Variants in PAPPA2 observed in about 807,000 individuals in gnomAD.
PAPPA2 encodes pappalysin 2.
Under a neutral mutation model 176.4 loss-of-function variants are expected in PAPPA2, and 86 were observed. That is an observed-to-expected ratio of 0.49 (90% CI 0.41 to 0.58). The LOEUF (loss-of-function observed/expected upper bound fraction) is 0.58, where lower values mean the gene tolerates loss of function less well. Among genes scored for constraint, PAPPA2 ranks in the 20% least tolerant of loss-of-function variants. The pLI, the probability that PAPPA2 is intolerant of heterozygous loss-of-function variation, is 0.00. For missense variants in PAPPA2, 2,073 were observed against 2,256.9 expected, an observed-to-expected ratio of 0.92 and a Z score of 1.65; for synonymous variants, 809 against 852.2, an observed-to-expected ratio of 0.95 and a Z score of 0.88.
intron 2 of PAPPA2, among the ~76,000 whole-genome samples, chr1:176,574,954 G>A (rs559749187): frequency 6.6e-6 from 1 of 152,304 alleles, no homozygotes; most frequent in African/African-American, 2.4e-5. Flanking sequence ...GCCTCGGTAT[G>A]TTCTAGGTTT....
chr1:176,563,776 T>C (rs1651800898), intron 2 of PAPPA2, among the ~76,000 whole-genome samples: 1 of 152,178 alleles, frequency 6.6e-6, no homozygotes, highest in Non-Finnish European at 1.5e-5. Context: ...GGCAGTTTCA[T>C]GGACCAAGGA....
intron 14 of PAPPA2, among the ~76,000 whole-genome samples, chr1:176,764,209 G>A (rs1663829759): frequency 6.6e-6 from 1 of 152,044 alleles, no homozygotes; most frequent in Admixed American, 6.5e-5. Flanking sequence ...GCCACATTGG[G>A]AATGAAATTT....
chr1:176,677,717 A>G (rs1659376921), intron 4 of PAPPA2, among the ~76,000 whole-genome samples: 1 of 152,132 alleles, frequency 6.6e-6, no homozygotes, highest in Non-Finnish European at 1.5e-5. Context: ...ACTCATTGTC[A>G]TCGATTCATT....
chr1:176,768,669 C>T (rs759704867), intron 15 of PAPPA2, among the ~76,000 whole-genome samples: 13 of 151,996 alleles, frequency 8.6e-5, no homozygotes, highest in South Asian at 2.1e-4. Context: ...TTTTAGTTCC[C>T]GGAGGATATT....
At chr1:176,796,148 A>T (rs1665415860) in intron 20 of PAPPA2, among the ~76,000 whole-genome samples, 1 of 152,164 alleles carries the variant, frequency 6.6e-6, no homozygotes, top group Non-Finnish European at 1.5e-5. Context: ...ATCATTGGAG[A>T]CTCAGACATG....
At chr1:176,748,812 C>G (rs112946575) in intron 14 of PAPPA2, among the ~76,000 whole-genome samples, 1 of 152,038 alleles carries the variant, frequency 6.6e-6, no homozygotes, top group Non-Finnish European at 1.5e-5. Flanking sequence ...TTGTAGCCTA[C>G]GAGCAGTAGG....
rs1279036128 is a variant in PAPPA2 at position 176,699,206 on chromosome 1, T to C, written c.2853T>C (p.Cys951=). Residue 951 remains cysteine (C), a synonymous_variant, in exon 8 of 23, where the codon TGT becomes TGC. Coordinates refer to ENST00000367662, the MANE Select transcript of PAPPA2 (RefSeq NM_020318.3). Reference sequence around the variant, plus strand: ...CGGTCCCCTGCCCCACAGAAGGCTGTAGCTTGGAGCTGCTCTTCCAACACC... The same window carrying C: ...CGGTCCCCTGCCCCACAGAAGGCTGCAGCTTGGAGCTGCTCTTCCAACACC... ...NMTVPCPTEG[C]SLELLFQHPV... 6.2e-7 allele frequency: 1 copy of C among 1,614,158 alleles called. No homozygotes were observed. Among genetic ancestry groups the C allele is most frequent in the Admixed American group, 1.7e-5 (1 of 60,018 alleles).
chr1:176,523,583 T>A (rs1426564145), intron 1 of PAPPA2, among the ~76,000 whole-genome samples: 1 of 152,236 alleles, frequency 6.6e-6, no homozygotes, highest in East Asian at 1.9e-4. Flanking sequence ...TTTTTCTAAG[T>A]GACTACCAGA....
chr1:176,729,378 T>TA (rs919350776), intron 12 of PAPPA2, among the ~76,000 whole-genome samples: 1 of 152,060 alleles, frequency 6.6e-6, no homozygotes, highest in Non-Finnish European at 1.5e-5. Flanking sequence ...ACACTGTTTT[T>TA]ATTACTATAG....
At chr1:176,706,959 A>T (rs1161479464) in intron 10 of PAPPA2, among the ~76,000 whole-genome samples, 1 of 152,206 alleles carries the variant, frequency 6.6e-6, no homozygotes, top group Non-Finnish European at 1.5e-5. Flanking sequence ...GGATCCTAAC[A>T]TATTTTAGCC....
At chr1:176,700,057 G>A (rs980888623) in intron 8 of PAPPA2, among the ~76,000 whole-genome samples, 5 of 152,188 alleles carry the variant, frequency 3.3e-5, no homozygotes, top group Non-Finnish European at 5.9e-5. Context: ...TTCATGATAT[G>A]AGTTTCATTC....
intron 1 of PAPPA2, among the ~76,000 whole-genome samples, chr1:176,544,010 G>C (rs4480321): frequency 0.11 from 16,670 of 152,244 alleles, 977 homozygotes; most frequent in Middle Eastern, 0.19. Flanking sequence ...CAGTGAGCAA[G>C]AAATAGACTC....
At chr1:176,749,437 G>A (rs1425503464) in intron 14 of PAPPA2, among the ~76,000 whole-genome samples, 7 of 152,156 alleles carry the variant, frequency 4.6e-5, no homozygotes, top group African/African-American at 7.2e-5. Context: ...ATGAACCTAC[G>A]TTGACACATC....
chr1:176,736,161 T>G (rs1447791488), intron 12 of PAPPA2, among the ~76,000 whole-genome samples: 1 of 152,042 alleles, frequency 6.6e-6, no homozygotes, highest in African/African-American at 2.4e-5. Flanking sequence ...GGACAGCTGT[T>G]CACAAGCATG....
chr1:176,801,418 G>A (rs1159811619), intron 21 of PAPPA2, among the ~76,000 whole-genome samples: 1 of 152,140 alleles, frequency 6.6e-6, no homozygotes, highest in East Asian at 1.9e-4. Context: ...GACTGGAGAG[G>A]GGGAAAGGGT....
At chr1:176,666,664 TG>T (rs1658674517) in intron 3 of PAPPA2, among the ~76,000 whole-genome samples, 2 of 148,068 alleles carry the variant, frequency 1.4e-5, no homozygotes, top group African/African-American at 5.0e-5. Flanking sequence ...ATAGAGTTCA[TG>T]ATGAATGGGC....
At chr1:176,554,014 A>G (rs1047504163) in intron 1 of PAPPA2, among the ~76,000 whole-genome samples, 1 of 152,084 alleles carries the variant, frequency 6.6e-6, no homozygotes, top group African/African-American at 2.4e-5. Flanking sequence ...AGTAAAGGGA[A>G]GGAAAAAGGG....
At position 176,556,871 on chromosome 1, in the gene PAPPA2, C is replaced by G. The variant is rs762152036; in HGVS notation, c.549C>G (p.Pro183=). Residue 183 remains proline (P), a synonymous_variant, in exon 2 of 23, where the codon CCC becomes CCG. Transcript: ENST00000367662. ...CCATTTTCACAACCCTGAACGAACC[C>G]AAACCAGAGACCCAAAGGAGGGGCT... ...TTAIFTTLNE[P]KPETQRRGWA... is the part of the protein sequence containing the mutation. 5 of 1,614,002 alleles carry G rather than the reference C, an allele frequency of 3.1e-6. No homozygotes were observed. The highest frequency in any genetic ancestry group is 8.5e-7 in the Non-Finnish European group (1 of 1,180,030).
At chr1:176,568,811 C>T (rs1652140299) in intron 2 of PAPPA2, among the ~76,000 whole-genome samples, 1 of 152,192 alleles carries the variant, frequency 6.6e-6, no homozygotes, top group Admixed American at 6.5e-5. Context: ...GTTTCGGTCA[C>T]AATAATTCTG....
Sources: gnomAD v4.1 joint callset for allele counts (sites outside exome capture counted in the v4.1 genomes callset) on GRCh38, gnomAD v4.1.1 for gene constraint, MANE v1.5 for transcripts, NCBI Gene and HGNC (gene_info 2026-07-23, HGNC 2026-07-21) for gene names.